Variants in ADAMTSL1 observed in about 807,000 individuals in gnomAD.
ADAMTSL1 encodes the protein ADAMTS like 1.
Under a neutral mutation model 201.8 loss-of-function variants are expected in ADAMTSL1, and 126 were observed. The observed-to-expected ratio is 0.62, with a 90% CI of 0.54 to 0.72. The LOEUF (loss-of-function observed/expected upper bound fraction) is 0.72, where lower values mean the gene tolerates loss of function less well. Among genes scored for constraint, ADAMTSL1 ranks in the 30% least tolerant of loss-of-function variants. The pLI is 0.00. For missense variants in ADAMTSL1, 2,679 were observed against 2,277.8 expected, an observed-to-expected ratio of 1.18 and a Z score of -3.59; for synonymous variants, 1,121 against 903.4, an observed-to-expected ratio of 1.24 and a Z score of -4.32.
At chr9:18,470,137 C>A (rs143548137), upstream of ADAMTSL1, among the ~76,000 whole-genome samples, 289 of 152,286 alleles carry the variant, frequency 1.9e-3, 4 homozygotes, top group East Asian at 0.019. Flanking sequence ...CCCCAAATTT[C>A]CTGCCTGCTA....
At position 18,249,607 on chromosome 9, in the gene ADAMTSL1, T is replaced by C. The variant is rs544472304; in HGVS notation, c.207+85626T>C. On this transcript the variant is annotated intron_variant, in intron 2 of 29. Transcript: ENST00000680146. ...GGCTACTTCAGCCTACTGTTATTGT[T>C]TCATGCTTAATTAGAAGATTTTATA... Among the ~76,000 whole-genome samples, 7 of 152,332 alleles carry C rather than the reference T, an allele frequency of 4.6e-5. No homozygotes were observed. In the East Asian group the frequency reaches 1.3e-3, roughly 29 times the overall value.
intron 2 of ADAMTSL1, among the ~76,000 whole-genome samples, chr9:18,195,649 C>G (rs576948557): frequency 2.6e-4 from 39 of 152,232 alleles, no homozygotes; most frequent in African/African-American, 9.4e-4. Context: ...CTGAAAAGAG[C>G]TGGTACTGGT....
chr9:18,646,937 T>C (rs1476270812), intron 7 of ADAMTSL1, among the ~76,000 whole-genome samples: 6 of 152,146 alleles, frequency 3.9e-5, no homozygotes, highest in Admixed American at 2.0e-4. Context: ...TCTTTTTCTA[T>C]TGATTGGAAT....
At position 18,762,244 on chromosome 9, in the gene ADAMTSL1, A is replaced by G. The variant is rs182078872; in HGVS notation, c.2218-8358A>G. ...GCGGGCACATAAACAATGAGCCCTT[A>G]TAGAAGAGATAAGATACCCTTCTAG... is the stretch of plus-strand genomic sequence containing the variant. On this transcript the variant is annotated intron_variant, in intron 16 of 28. Transcript: ENST00000380548. 3.7e-3 allele frequency among the ~76,000 whole-genome samples: 564 copies of G among 152,322 alleles called. 1 individual carries two copies. The highest frequency in any genetic ancestry group is 0.013 in the African/African-American group (539 of 41,576).
chr9:18,647,694 G>T lies in ADAMTSL1; in HGVS notation c.834+8283G>T, dbSNP rs540632170. On this transcript the variant is annotated intron_variant, in intron 7 of 28. Transcript: ENST00000380548. ...TGTTCAGTTTCCATGTAGTTGAGTG[G>T]TTTTGAGTGAGATTCTTAATCCTGA... is the stretch of plus-strand genomic sequence containing the variant. 5.1e-3 allele frequency among the ~76,000 whole-genome samples: 772 copies of T among 151,074 alleles called. 9 individuals are homozygous for T. Among genetic ancestry groups the T allele is most frequent in the African/African-American group, 0.018 (731 of 41,194 alleles).
intron 4 of ADAMTSL1, among the ~76,000 whole-genome samples, chr9:18,598,723 C>T (rs964212361): frequency 6.6e-6 from 1 of 152,164 alleles, no homozygotes; most frequent in African/African-American, 2.4e-5. Flanking sequence ...ACTGCACCTG[C>T]ACACCATAGT....
intron 23 of ADAMTSL1, among the ~76,000 whole-genome samples, chr9:18,864,052 A>T (rs1374424549): frequency 6.6e-6 from 1 of 152,230 alleles, no homozygotes; most frequent in African/African-American, 2.4e-5. Context: ...CACATCTTTC[A>T]TACTTTTACA....
chr9:18,039,744 C>G (rs953061075), intron 1 of ADAMTSL1, among the ~76,000 whole-genome samples: 3 of 152,164 alleles, frequency 2.0e-5, no homozygotes, highest in Non-Finnish European at 4.4e-5. Context: ...GTTTCTCTTA[C>G]TACCATAGAT....
chr9:18,259,500 ACT>A (rs747022300), intron 2 of ADAMTSL1, among the ~76,000 whole-genome samples: 1 of 144,756 alleles, frequency 6.9e-6, no homozygotes, highest in African/African-American at 2.7e-5. Flanking sequence ...TGACAGAATA[ACT>A]CTGTCTCAAA....
chr9:18,899,941 A>C (rs1438842058), intron 26 of ADAMTSL1, among the ~76,000 whole-genome samples: 1 of 152,184 alleles, frequency 6.6e-6, no homozygotes, highest in Admixed American at 6.5e-5. Context: ...TTGACAAATG[A>C]GTTCTAACTA....
At chr9:18,066,654 G>A (rs1409113889) in intron 1 of ADAMTSL1, among the ~76,000 whole-genome samples, 1 of 152,066 alleles carries the variant, frequency 6.6e-6, no homozygotes, top group Non-Finnish European at 1.5e-5. Flanking sequence ...AGCAATTCTA[G>A]GTGAAATTTA....
At chr9:18,118,094 T>A (rs1055745688) in intron 1 of ADAMTSL1, among the ~76,000 whole-genome samples, 15 of 152,180 alleles carry the variant, frequency 9.9e-5, no homozygotes, top group South Asian at 4.1e-4. Context: ...ATCTAGCAGG[T>A]AGGGCTGGAT....
At chr9:18,071,500 T>C (rs1822966504) in intron 1 of ADAMTSL1, among the ~76,000 whole-genome samples, 1 of 152,230 alleles carries the variant, frequency 6.6e-6, no homozygotes, top group Non-Finnish European at 1.5e-5. Context: ...TGTTCCAAAT[T>C]CTCAAATGTG....
At chr9:18,849,696 G>T (rs1002178468) in intron 23 of ADAMTSL1, among the ~76,000 whole-genome samples, 7 of 152,186 alleles carry the variant, frequency 4.6e-5, no homozygotes, top group African/African-American at 1.7e-4. Flanking sequence ...GTCAGCATCT[G>T]TTTCCTCATT....
intron 2 of ADAMTSL1, among the ~76,000 whole-genome samples, chr9:18,238,942 A>C (rs900117448): frequency 1.3e-5 from 2 of 152,254 alleles, no homozygotes; most frequent in Non-Finnish European, 2.9e-5. Flanking sequence ...TTAATATCAC[A>C]ATAAAGTGAG....
intron 1 of ADAMTSL1, among the ~76,000 whole-genome samples, chr9:18,477,184 G>T (rs1416554890): frequency 2.0e-5 from 3 of 151,922 alleles, no homozygotes; most frequent in Non-Finnish European, 2.9e-5. Flanking sequence ...CAAAAACCAT[G>T]ACCGGCCATT....
intron 1 of ADAMTSL1, among the ~76,000 whole-genome samples, chr9:17,926,036 C>A (rs1826512989): frequency 6.6e-6 from 1 of 152,068 alleles, no homozygotes; most frequent in Non-Finnish European, 1.5e-5. Context: ...CCCATTTCTA[C>A]CACAAACCAG....
chr9:18,111,168 T>C (rs187296003), intron 1 of ADAMTSL1, among the ~76,000 whole-genome samples: 9 of 152,294 alleles, frequency 5.9e-5, no homozygotes, highest in South Asian at 2.1e-4. Flanking sequence ...CCCTCTTGGG[T>C]CAGGGCTAAG....
At chr9:18,269,174 T>C (rs1832256091) in intron 2 of ADAMTSL1, among the ~76,000 whole-genome samples, 1 of 152,180 alleles carries the variant, frequency 6.6e-6, no homozygotes, top group Admixed American at 6.6e-5. Context: ...TAATGTGATA[T>C]ATTATGCTCA....
Sources: gnomAD v4.1 joint callset for allele counts (sites outside exome capture counted in the v4.1 genomes callset) on GRCh38, gnomAD v4.1.1 for gene constraint, MANE v1.5 for transcripts, NCBI Gene and HGNC (gene_info 2026-07-23, HGNC 2026-07-21) for gene names.